Variants in IREB2 observed in about 807,000 individuals in gnomAD.
The protein encoded by IREB2 is iron-responsive element-binding protein 2.
Under a neutral mutation model 118.8 loss-of-function variants are expected in IREB2, and 39 were observed. That is an observed-to-expected ratio of 0.33 (90% CI 0.25 to 0.43). IREB2 has a LOEUF of 0.43. Ranked by LOEUF, IREB2 falls within the 20% of genes least tolerant of loss-of-function variation. The pLI is 1.00. For missense variants in IREB2, 900 were observed against 1,147.3 expected, an observed-to-expected ratio of 0.78 and a Z score of 3.11; for synonymous variants, 372 against 392.2, an observed-to-expected ratio of 0.95 and a Z score of 0.61.
intron 11 of IREB2, among the ~76,000 whole-genome samples, chr15:78,484,375 A>G (rs915245403): frequency 1.3e-5 from 2 of 152,134 alleles, no homozygotes; most frequent in Non-Finnish European, 2.9e-5. Context: ...GCTATGCTAC[A>G]CTCACACACA....
At chr15:78,448,490 ATTTAT>A (rs1298112940) in intron 2 of IREB2, among the ~76,000 whole-genome samples, 1 of 151,882 alleles carries the variant, frequency 6.6e-6, no homozygotes, top group Non-Finnish European at 1.5e-5. Flanking sequence ...GTCAGAATTT[ATTTAT>A]TTATTTGAAG....
chr15:78,493,967 A>G lies in IREB2; in HGVS notation c.2383A>G (p.Thr795Ala). The stretch of plus-strand genomic sequence containing the variant: ...TCGAAGAGGTAATGATGCTGTAATG[A>G]CAAGAGGCACTTTTGCAAATATCAA... The part of the protein sequence containing the change: ...GARRGNDAVM[T>A]RGTFANIKLF... The change falls in exon 19 of 22, where the codon ACA becomes GCA. Residue 795 changes from threonine (T) to alanine (A), a missense_variant. Coordinates refer to ENST00000258886, the MANE Select transcript of IREB2 (RefSeq NM_004136.4). 1.2e-6 allele frequency: 2 copies of G among 1,614,036 alleles called. No homozygotes were observed. Among genetic ancestry groups the G allele is most frequent in the Non-Finnish European group, 1.7e-6 (2 of 1,179,882 alleles).
chr15:78,497,402 G>A (rs1322747727), intron 21 of IREB2, 91 bp downstream of exon 21: 13 of 901,046 alleles, frequency 1.4e-5, no homozygotes. Flanking sequence ...ATATACTAAT[G>A]TCACTTAATG....
At chr15:78,471,345 C>T (rs373329399) in intron 6 of IREB2, among the ~76,000 whole-genome samples, 6 of 152,162 alleles carry the variant, frequency 3.9e-5, no homozygotes, top group South Asian at 2.1e-4. Flanking sequence ...AGTAGTAGAA[C>T]GCTTTTGTTC....
chr15:78,440,814 C>CATT, intron 2 of IREB2, among the ~76,000 whole-genome samples: 2 of 152,278 alleles, frequency 1.3e-5, no homozygotes, highest in Non-Finnish European at 2.9e-5. Flanking sequence ...TTTTGGCAGA[C>CATT]ATTCTCATTG....
intron 5 of IREB2, among the ~76,000 whole-genome samples, chr15:78,469,638 G>A (rs909900742): frequency 2.6e-5 from 4 of 152,010 alleles, no homozygotes; most frequent in African/African-American, 4.8e-5. Context: ...TAGGAGAATC[G>A]CTTGAACCCG....
At position 78,487,816 on chromosome 15, in the gene IREB2, A is replaced by G. The variant is rs146036664; in HGVS notation, c.1793A>G (p.Gln598Arg). 19 of 1,568,664 alleles carry G rather than the reference A, an allele frequency of 1.2e-5. No homozygotes were observed. The highest frequency in any genetic ancestry group is 1.6e-5 in the Non-Finnish European group (18 of 1,140,674). The part of the protein sequence containing the change: ...LSDAVLNAVK[Q>R]GDLVTCGILS... ...GACGCAGTTTTAAATGCAGTAAAAC[A>G]GGTAAAATGTGTGGATTGGCAAGAC... is the stretch of plus-strand genomic sequence containing the variant. Residue 598 changes from glutamine (Q) to arginine (R), a missense_variant and splice_region_variant, in exon 14 of 22, where the codon CAG (glutamine) becomes CGG (arginine). By Grantham distance (43) the Gln-to-Arg change is conservative. Coordinates refer to ENST00000258886, the MANE Select transcript of IREB2 (RefSeq NM_004136.4).
chr15:78,455,082 G>A (rs1388318645), intron 2 of IREB2, among the ~76,000 whole-genome samples: 2 of 152,144 alleles, frequency 1.3e-5, no homozygotes, highest in Non-Finnish European at 2.9e-5. Context: ...AAAAAGAACA[G>A]GATTGGTGTT....
chr15:78,478,532 G>A (rs2051513734), intron 10 of IREB2, 135 bp downstream of exon 10: 1 of 551,724 alleles, frequency 1.8e-6, no homozygotes, highest in Non-Finnish European at 3.2e-6. Flanking sequence ...GTAAAACCCT[G>A]TCACTGCAAA....
chr15:78,466,820 C>A (rs1422705830), intron 5 of IREB2, among the ~76,000 whole-genome samples: 1 of 152,148 alleles, frequency 6.6e-6, no homozygotes, highest in Non-Finnish European at 1.5e-5. Context: ...TTGTACCATT[C>A]ATATACTCGT....
At position 78,494,193 on chromosome 15, in the gene IREB2, A is replaced by AT; in HGVS notation, c.2526dup (p.Ile843TyrfsTer34). ...GTACCAGAAAGAAGGTATCCCACTG[A>AT]TTATTTTAGCAGGAAAGAAATATGG... On this transcript the variant is annotated frameshift_variant, in exon 20 of 22. Transcript: ENST00000258886. LOFTEE classifies it high-confidence loss of function. The AT allele has an allele frequency of 6.2e-7, 1 of 1,614,064 alleles. No homozygotes were observed. The highest frequency in any genetic ancestry group is 8.5e-7 in the Non-Finnish European group (1 of 1,179,934).
At chr15:78,487,712 C>G (rs374045223) in intron 13 of IREB2, 21 bp from the exon 14 acceptor site, 1 of 1,354,152 alleles carries the variant, frequency 7.4e-7, no homozygotes, top group African/African-American at 1.4e-5. Context: ...GCTATTCAGT[C>G]ACTTTTTTTT....
rs1025943734 is a variant in IREB2 at position 78,439,897 on chromosome 15, A to G, written c.106+16A>G. On this transcript the variant is annotated intron_variant, in intron 2 of 21. Coordinates refer to ENST00000258886, the MANE Select transcript of IREB2 (RefSeq NM_004136.4). ...ACCAAGTATGGTAATGTTGCTTTAC[A>G]TTTTCTTGGGTTTGTTTAGTCTCTA... is the stretch of plus-strand genomic sequence containing the variant. 2.1e-5 allele frequency: 31 copies of G among 1,495,588 alleles called. No individual in the cohort carries two copies. The highest frequency in any genetic ancestry group is 2.8e-5 in the African/African-American group (2 of 72,050). The allele number at this position is 1,495,588 out of a possible 1,614,324, so 92.6% of individuals were successfully genotyped here. A position where few individuals can be genotyped will look rare whatever the true frequency, so the allele number is the denominator to read the frequency against.
At chr15:78,458,181 T>C (rs2051136313) in intron 2 of IREB2, among the ~76,000 whole-genome samples, 2 of 152,212 alleles carry the variant, frequency 1.3e-5, no homozygotes, top group African/African-American at 4.8e-5. Flanking sequence ...CTGTAATCCT[T>C]TTTCTACTTT....
At chr15:78,461,397 A>G (rs991652379) in intron 2 of IREB2, among the ~76,000 whole-genome samples, 4 of 152,284 alleles carry the variant, frequency 2.6e-5, no homozygotes, top group East Asian at 3.9e-4. Flanking sequence ...TCCCTCTTCT[A>G]TCATTTCAGT....
chr15:78,470,935 T>C (rs759930231), intron 6 of IREB2: 13 of 159,380 alleles, frequency 8.2e-5, no homozygotes, highest in Non-Finnish European at 1.5e-4. Flanking sequence ...CCTCAGGCAA[T>C]CTGCCTGCCT....
intron 18 of IREB2, among the ~76,000 whole-genome samples, chr15:78,493,346 T>C (rs1329748348): frequency 4.6e-5 from 7 of 152,160 alleles, no homozygotes; most frequent in Admixed American, 1.3e-4. Context: ...AAGCCACATA[T>C]ATGAAAAGTC....
chr15:78,491,043 T>C (rs1173870727), intron 18 of IREB2, among the ~76,000 whole-genome samples: 1 of 152,176 alleles, frequency 6.6e-6, no homozygotes, highest in Non-Finnish European at 1.5e-5. Context: ...GATTTTTCTT[T>C]TTCAGTGCTA....
chr15:78,457,857 A>G (rs1164506515), intron 2 of IREB2, among the ~76,000 whole-genome samples: 1 of 152,156 alleles, frequency 6.6e-6, no homozygotes, highest in Non-Finnish European at 1.5e-5. Flanking sequence ...AATTTCTGTG[A>G]TAATATTTTC....
Sources: allele counts gnomAD v4.1 joint callset (sites outside exome capture counted in the v4.1 genomes callset), GRCh38; gene constraint gnomAD v4.1.1; transcripts MANE v1.5; gene names NCBI Gene and HGNC (gene_info 2026-07-23, HGNC 2026-07-21).